The following CFAP54 variants were observed in gnomAD, a reference collection of about 807,000 sequenced individuals.
CFAP54 encodes the protein cilia and flagella associated protein 54.
A neutral mutation model predicts 370.4 loss-of-function variants in CFAP54; 290 were observed. The ratio of observed to expected loss-of-function variants is 0.78; its 90% CI spans 0.71 to 0.86. CFAP54 has a LOEUF of 0.86. Among genes scored for constraint, CFAP54 ranks in the 40% least tolerant of loss-of-function variants. The pLI, the probability that CFAP54 is intolerant of heterozygous loss-of-function variation, is 0.00. For synonymous variants in CFAP54, 1,206 were observed against 1,236.5 expected, an observed-to-expected ratio of 0.98 and a Z score of 0.52; for missense variants, 3,399 against 3,528.7, an observed-to-expected ratio of 0.96 and a Z score of 0.93.
intron 35 of CFAP54, 34 bp downstream of exon 35, chr12:96,650,106 A>G: frequency 2.0e-6 from 3 of 1,538,270 alleles, no homozygotes; most frequent in East Asian, 2.3e-5. Context: ...AGTGTAGTAG[A>G]CATAAATTTC....
At chr12:96,737,164 A>T (rs1451749306) in intron 50 of CFAP54, among the ~76,000 whole-genome samples, 1 of 152,174 alleles carries the variant, frequency 6.6e-6, no homozygotes, top group African/African-American at 2.4e-5. Context: ...AAAATTTGAA[A>T]TCTGAAATGC....
chr12:96,546,837 A>AC (rs1176349631), intron 14 of CFAP54, among the ~76,000 whole-genome samples: 1 of 152,008 alleles, frequency 6.6e-6, no homozygotes, highest in Non-Finnish European at 1.5e-5. Flanking sequence ...TCAAAAAAAA[A>AC]AACAACTCTA....
intron 19 of CFAP54, among the ~76,000 whole-genome samples, chr12:96,567,816 T>TA (rs1955877767): frequency 6.6e-6 from 1 of 152,138 alleles, no homozygotes; most frequent in Non-Finnish European, 1.5e-5. Flanking sequence ...GGGACTGAGA[T>TA]ACCTGGATGT....
At chr12:96,645,140 C>T in intron 33 of CFAP54, 1 of 456,596 alleles carries the variant, frequency 2.2e-6, no homozygotes, top group Non-Finnish European at 4.4e-6. Context: ...TGTCAATTTT[C>T]TATCATTAAC....
chr12:96,510,980 A>G (rs1279936213), intron 4 of CFAP54, among the ~76,000 whole-genome samples: 1 of 151,392 alleles, frequency 6.6e-6, no homozygotes, highest in East Asian at 1.9e-4. Context: ...AAAAAAAAAA[A>G]AGAAATGAAA....
chr12:96,638,883 C>T (rs1048829157), intron 32 of CFAP54, among the ~76,000 whole-genome samples: 5 of 152,180 alleles, frequency 3.3e-5, no homozygotes, highest in African/African-American at 7.2e-5. Flanking sequence ...AACGCTTTCA[C>T]GTTTTCAACA....
intron 55 of CFAP54, among the ~76,000 whole-genome samples, chr12:96,744,456 T>C (rs1348866507): frequency 1.3e-5 from 2 of 152,192 alleles, no homozygotes; most frequent in African/African-American, 4.8e-5. Context: ...CATAATTTAC[T>C]TCAAAATTAC....
rs1022096426 is a variant in CFAP54, at chr12:96,723,260, G to A, written c.6965+2695G>A. On this transcript the variant is annotated intron_variant, in intron 50 of 67. Transcript: ENST00000524981. ...AAGTAAAGACAGAATTTTAATACTG[G>A]ATGAGCTCCGTTAGGGGGTATAAAT... Among the ~76,000 whole-genome samples, 33 of 152,222 alleles carry A rather than the reference G, an allele frequency of 2.2e-4. 1 individual carries two copies. The highest frequency in any genetic ancestry group is 7.5e-4 in the African/African-American group (31 of 41,546).
At chr12:96,831,300 A>C (rs1951718710) in intron 66 of CFAP54, among the ~76,000 whole-genome samples, 1 of 152,230 alleles carries the variant, frequency 6.6e-6, no homozygotes, top group African/African-American at 2.4e-5. Context: ...AGATAATTTT[A>C]GATTTTGTTG....
At chr12:96,749,962 A>G (rs1958164362) in intron 55 of CFAP54, among the ~76,000 whole-genome samples, 1 of 152,218 alleles carries the variant, frequency 6.6e-6, no homozygotes, top group East Asian at 1.9e-4. Context: ...GGTTGGCTGT[A>G]TACCAGACTT....
intron 32 of CFAP54, among the ~76,000 whole-genome samples, chr12:96,641,593 A>T (rs1592901479): frequency 6.6e-6 from 1 of 152,142 alleles, no homozygotes; most frequent in East Asian, 1.9e-4. Flanking sequence ...TACCCAAAGG[A>T]TTATAAATCA....
intron 24 of CFAP54, among the ~76,000 whole-genome samples, chr12:96,593,217 A>G (rs952269844): frequency 1.4e-4 from 21 of 152,126 alleles, no homozygotes; most frequent in African/African-American, 5.1e-4. Context: ...CTGTATGTAC[A>G]TCTGCAACTC....
intron 17 of CFAP54, among the ~76,000 whole-genome samples, chr12:96,563,104 G>T (rs1420618): frequency 6.6e-6 from 1 of 152,092 alleles, no homozygotes; most frequent in Non-Finnish European, 1.5e-5. Context: ...TGGAGGATTA[G>T]AGTTTTTTTT....
chr12:96,622,421 C>T (rs1345589438), intron 27 of CFAP54, among the ~76,000 whole-genome samples: 2 of 140,590 alleles, frequency 1.4e-5, no homozygotes, highest in Admixed American at 1.6e-4. Flanking sequence ...TGCAATCTTG[C>T]CTCACCGTAG....
At chr12:96,776,269 C>T (rs1306711830) in intron 60 of CFAP54, among the ~76,000 whole-genome samples, 1 of 151,634 alleles carries the variant, frequency 6.6e-6, no homozygotes, top group Non-Finnish European at 1.5e-5. Flanking sequence ...TTCTATATAA[C>T]TTGTAATTTC....
intron 66 of CFAP54, among the ~76,000 whole-genome samples, chr12:96,852,311 T>C (rs1959570760): frequency 6.6e-6 from 1 of 152,108 alleles, no homozygotes; most frequent in Non-Finnish European, 1.5e-5. Context: ...AGTCTCTATA[T>C]ATTTATAGAA....
intron 32 of CFAP54, among the ~76,000 whole-genome samples, chr12:96,639,356 A>G (rs1376092733): frequency 6.6e-6 from 1 of 152,364 alleles, no homozygotes; most frequent in South Asian, 2.1e-4. Context: ...CTTGACACAT[A>G]CACTCTCCCA....
chr12:96,645,739 T>G (rs1316809218), intron 33 of CFAP54: 7 of 152,322 alleles, frequency 4.6e-5, no homozygotes, highest in African/African-American at 1.7e-4. Context: ...ATGGTACTGG[T>G]ACCAAAACAG....
chr12:96,821,840 T>C (rs1429698639), intron 65 of CFAP54, among the ~76,000 whole-genome samples: 2 of 152,130 alleles, frequency 1.3e-5, no homozygotes, highest in Non-Finnish European at 2.9e-5. Context: ...AAGAGATCAA[T>C]TCTGGTCTGG....
Sources: gnomAD v4.1 joint callset for allele counts (sites outside exome capture counted in the v4.1 genomes callset) on GRCh38, gnomAD v4.1.1 for gene constraint, MANE v1.5 for transcripts, NCBI Gene and HGNC (gene_info 2026-07-23, HGNC 2026-07-21) for gene names.